The following SIPA1L3 variants were observed in gnomAD, a reference collection of about 807,000 sequenced individuals.
SIPA1L3 encodes the protein signal-induced proliferation-associated 1-like protein 3.
In SIPA1L3, 59 loss-of-function variants were observed where a neutral mutation model predicts 150.1. The observed-to-expected ratio is 0.39, with a 90% CI of 0.32 to 0.49. SIPA1L3 has a LOEUF of 0.49. Among genes scored for constraint, SIPA1L3 ranks in the 20% least tolerant of loss-of-function variants. SIPA1L3 has a pLI of 0.86. For missense variants in SIPA1L3, 2,211 were observed against 2,489.5 expected (o/e 0.89, Z 2.38); for synonymous variants, 1,070 against 1,077.6 (o/e 0.99, Z 0.14).
At chr19:38,045,311 A>C (rs1969030205) in intron 2 of SIPA1L3, among the ~76,000 whole-genome samples, 1 of 151,934 alleles carries the variant, frequency 6.6e-6, no homozygotes, top group South Asian at 2.1e-4. Flanking sequence ...CGGGAGGCGG[A>C]AGGTTGCAGT....
Position 38,110,264 on chromosome 19 carries a change from C to T in SIPA1L3, c.2171C>T (p.Thr724Met), listed in dbSNP as rs111269818. The T allele has an allele frequency of 1.9e-6, 3 of 1,614,126 alleles. No homozygotes were observed. Among genetic ancestry groups the T allele is most frequent in the Non-Finnish European group, 2.5e-6 (3 of 1,180,008 alleles). Residue 724 changes from threonine (T) to methionine (M), a missense_variant, in exon 8 of 22, where the codon ACG becomes ATG. Coordinates refer to ENST00000222345, the MANE Select transcript of SIPA1L3 (RefSeq NM_015073.3). ...AGGCACATAGGAAATGACATCGTGACGATCATCTTCCAGGAGCCTGGCGCG... is the reference window on the plus strand; with the variant it reads ...AGGCACATAGGAAATGACATCGTGATGATCATCTTCCAGGAGCCTGGCGCG... The part of the protein sequence containing the change: ...RKRHIGNDIV[T>M]IIFQEPGALP...
At chr19:38,135,973 G>T (rs557485456) in intron 10 of SIPA1L3, among the ~76,000 whole-genome samples, 1 of 152,042 alleles carries the variant, frequency 6.6e-6, no homozygotes, top group Non-Finnish European at 1.5e-5. Flanking sequence ...CTGACCCCAT[G>T]CTCTCAGACA....
intron 1 of SIPA1L3, among the ~76,000 whole-genome samples, chr19:37,985,859 C>G (rs1967337145): frequency 6.6e-6 from 1 of 152,214 alleles, no homozygotes; most frequent in Non-Finnish European, 1.5e-5. Context: ...GATGCGGGGC[C>G]ACAGGGAAGA....
intron 2 of SIPA1L3, among the ~76,000 whole-genome samples, chr19:38,063,667 G>T (rs896936582): frequency 6.6e-6 from 1 of 152,122 alleles, no homozygotes; most frequent in East Asian, 1.9e-4. Context: ...AGGAGGGCGC[G>T]TACTAAGTAT....
intron 8 of SIPA1L3, among the ~76,000 whole-genome samples, chr19:38,118,638 G>A (rs1277197481): frequency 2.0e-5 from 3 of 151,306 alleles, no homozygotes; most frequent in African/African-American, 7.3e-5. Context: ...GGTTCACGCC[G>A]TTCTCCTGTC....
At chr19:38,069,568 C>T (rs1228123805) in intron 2 of SIPA1L3, among the ~76,000 whole-genome samples, 5 of 152,298 alleles carry the variant, frequency 3.3e-5, no homozygotes, top group African/African-American at 1.2e-4. Flanking sequence ...GAATCAGCTG[C>T]CGAGCTTTTA....
At chr19:38,086,105 A>G (rs4802233) in intron 3 of SIPA1L3, among the ~76,000 whole-genome samples, 24,447 of 152,118 alleles carry the variant, frequency 0.16, 2,101 homozygotes, top group African/African-American at 0.22. Context: ...AGAATCTAGT[A>G]GCTGAAAAAT....
At chr19:38,087,174 C>A (rs1023050577) in intron 3 of SIPA1L3, among the ~76,000 whole-genome samples, 2 of 152,170 alleles carry the variant, frequency 1.3e-5, no homozygotes, top group Non-Finnish European at 2.9e-5. Context: ...TTTGTCAAAG[C>A]TAGTAAATAA....
rs1968413958 is a variant in SIPA1L3, at chr19:38,023,052, T to C, written c.-378-6037T>C. On this transcript the variant is annotated intron_variant, in intron 1 of 21. Coordinates refer to ENST00000222345, the MANE Select transcript of SIPA1L3 (RefSeq NM_015073.3). Reference sequence around the variant, plus strand: ...GCCTGGCATTTCGGCCAATCTGCTGTGTGTGGAATGGCCACACAGCATTTT... The same window carrying C: ...GCCTGGCATTTCGGCCAATCTGCTGCGTGTGGAATGGCCACACAGCATTTT... 3.3e-5 allele frequency among the ~76,000 whole-genome samples: 5 copies of C among 152,370 alleles called. No individual in the cohort carries two copies. In the South Asian group the frequency reaches 1.0e-3, roughly 32 times the overall value.
chr19:38,095,789 C>T (rs932370458), intron 4 of SIPA1L3, among the ~76,000 whole-genome samples: 2 of 152,192 alleles, frequency 1.3e-5, no homozygotes, highest in African/African-American at 4.8e-5. Flanking sequence ...TCAAGTAGTG[C>T]GCGCCGATGA....
intron 15 of SIPA1L3, among the ~76,000 whole-genome samples, chr19:38,169,692 A>C (rs1972284840): frequency 6.6e-6 from 1 of 152,228 alleles, no homozygotes. Context: ...AATTCACGAA[A>C]TCAGAATATC....
In SIPA1L3 at chr19:38,164,176, C is replaced by T. The variant is rs1188990730; in HGVS notation, c.3781-303C>T. Among the ~76,000 whole-genome samples, 1 of 152,160 alleles carries T rather than the reference C, an allele frequency of 6.6e-6. No homozygotes were observed. Among genetic ancestry groups the T allele is most frequent in the Non-Finnish European group, 1.5e-5 (1 of 68,028 alleles). ...CGTCATTGAGATGAGGAAGACGCTG[C>T]CGAACTCAGTCTTAGATTCGCTGAG... On this transcript the variant is annotated intron_variant, in intron 14 of 21. Coordinates refer to ENST00000222345, the MANE Select transcript of SIPA1L3 (RefSeq NM_015073.3). The surrounding 1 kb of genome is among the most constrained non-coding windows in gnomAD (Gnocchi z 4.1).
chr19:38,088,275 G>C (rs1258272951), intron 3 of SIPA1L3, among the ~76,000 whole-genome samples: 4 of 152,232 alleles, frequency 2.6e-5, no homozygotes, highest in Non-Finnish European at 5.9e-5. Flanking sequence ...GGTGTGAGGA[G>C]GCTCTCTAGA....
At chr19:38,180,537 C>CTTTTTTT (rs60445902) in intron 15 of SIPA1L3, among the ~76,000 whole-genome samples, 2 of 124,666 alleles carry the variant, frequency 1.6e-5, no homozygotes, top group East Asian at 2.3e-4. Context: ...TTTTTCTTTT[C>CTTTTTTT]TTTTTTTTTT....
intron 10 of SIPA1L3, among the ~76,000 whole-genome samples, chr19:38,133,586 T>A (rs1391780221): frequency 6.6e-6 from 1 of 152,146 alleles, no homozygotes; most frequent in Non-Finnish European, 1.5e-5. Flanking sequence ...GAGGCCCCAA[T>A]GGGTCAGGGG....
chr19:38,193,697 C>T lies in SIPA1L3; in HGVS notation c.4757C>T (p.Ala1586Val). The change falls in exon 18 of 22, where the codon GCA becomes GTA. Residue 1586 changes from alanine to valine, a missense_variant. Ala to Val is a moderately conservative substitution (Grantham distance 64). This residue lies in a region of SIPA1L3 where 806 missense variants were observed against 870.1 expected (regional missense o/e 0.93). Transcript: ENST00000222345. ...TCAFPSSTLPARRQHQHPHPP... is the reference protein window; with the variant it reads ...TCAFPSSTLPVRRQHQHPHPP... ...GCCTTCCCGTCCAGCACGCTGCCTG[C>T]ACGCCGCCAGCACCAGCACCCCCAC... The T allele has an allele frequency of 6.4e-7, 1 of 1,572,430 alleles. No homozygotes were observed. Among genetic ancestry groups the T allele is most frequent in the Non-Finnish European group, 8.6e-7 (1 of 1,166,970 alleles).
intron 11 of SIPA1L3, among the ~76,000 whole-genome samples, chr19:38,142,305 G>A (rs1351276662): frequency 6.6e-6 from 1 of 152,268 alleles, no homozygotes; most frequent in Admixed American, 6.5e-5. Context: ...GTCTTGAGCA[G>A]CCTGCAGAAG....
At chr19:38,045,813 GGAACTGGGTGTGTT>G (rs1424002568) in intron 2 of SIPA1L3, among the ~76,000 whole-genome samples, 1 of 152,060 alleles carries the variant, frequency 6.6e-6, no homozygotes, top group Non-Finnish European at 1.5e-5. Flanking sequence ...CAGGTGGGGA[GGAACTGGGTGTGTT>G]GGAGGAGCAG....
chr19:38,087,701 AG>A (rs1161733869), intron 3 of SIPA1L3: 1 of 152,272 alleles, frequency 6.6e-6, no homozygotes, highest in Non-Finnish European at 1.5e-5. Flanking sequence ...GCCTGGCTAA[AG>A]CCTCTGTTAC....
Sources: allele counts gnomAD v4.1 joint callset (sites outside exome capture counted in the v4.1 genomes callset), GRCh38; gene constraint gnomAD v4.1.1; regional missense constraint gnomAD v4.1.1; non-coding constraint Gnocchi (gnomAD v3.1); transcripts MANE v1.5; gene names NCBI Gene and HGNC (gene_info 2026-07-23, HGNC 2026-07-21).